The following PAICS variants were observed in gnomAD, a reference collection of about 807,000 sequenced individuals.
The protein encoded by PAICS is phosphoribosylaminoimidazole carboxylase and phosphoribosylaminoimidazolesuccinocarboxamide synthase.
PAICS carries 33 observed loss-of-function variants against 53.7 expected under a neutral mutation model. The ratio of observed to expected loss-of-function variants is 0.61; its 90% CI spans 0.47 to 0.82. The LOEUF (loss-of-function observed/expected upper bound fraction) is 0.82, where lower values mean the gene tolerates loss of function less well. Ranked by LOEUF, PAICS falls within the 40% of genes least tolerant of loss-of-function variation. The pLI is 0.00. For missense variants in PAICS, 394 were observed against 494.1 expected, an observed-to-expected ratio of 0.80 and a Z score of 1.92; for synonymous variants, 141 against 167.2, an observed-to-expected ratio of 0.84 and a Z score of 1.21.
the PAICS span, among the ~76,000 whole-genome samples, chr4:56,429,791 C>A: frequency 1.3e-5 from 2 of 152,208 alleles, no homozygotes; most frequent in Admixed American, 6.5e-5. Flanking sequence ...CATTAATCAT[C>A]CTTCCGCCCC....
chr4:56,419,863 T>C, the PAICS span: 3 of 984,650 alleles, frequency 3.0e-6, no homozygotes, highest in Non-Finnish European at 3.6e-6. Context: ...TACAAAAACC[T>C]AAAACACGAA....
chr4:56,428,326 A>T, the PAICS span, among the ~76,000 whole-genome samples: 5 of 152,352 alleles, frequency 3.3e-5, no homozygotes, highest in African/African-American at 1.2e-4. Context: ...CTGGTGTGAC[A>T]GTGAGGTCAG....
At chr4:56,431,169 T>C (rs2680758), upstream of PAICS, among the ~76,000 whole-genome samples, 5,882 of 152,250 alleles carry the variant, frequency 0.039, 172 homozygotes, top group Middle Eastern at 0.058. Flanking sequence ...ATTATGGGAG[T>C]ATAAAAGTTA....
At chr4:56,455,662 A>T (rs1344405709) in intron 8 of PAICS, among the ~76,000 whole-genome samples, 1 of 152,180 alleles carries the variant, frequency 6.6e-6, no homozygotes, top group Non-Finnish European at 1.5e-5. Flanking sequence ...TAGAAATAGA[A>T]TCCTATGCTG....
rs550073938 is a variant in PAICS at position 56,436,537 on chromosome 4, C to T, written c.16+209C>T. 194 of 710,038 alleles carry T rather than the reference C, an allele frequency of 2.7e-4. 2 individuals are homozygous for T. Among genetic ancestry groups the T allele is most frequent in the African/African-American group, 2.7e-3 (155 of 57,316 alleles). 44.0% of individuals were successfully genotyped at this position (710,038 alleles called of 1,614,324 possible). A position where few individuals can be genotyped will look rare whatever the true frequency, so the allele number is the denominator to read the frequency against. On this transcript the variant is annotated intron_variant, in intron 1 of 8. Coordinates refer to ENST00000512576, the MANE Select transcript of PAICS (RefSeq NM_001079524.2). ...GGAGAAGGAGCAAAGTAGAGGAGAA[C>T]GAGAAATGGCCAAGGGGTGGAAAGG...
At chr4:56,435,302 C>G, upstream of PAICS, 1 of 1,609,226 alleles carries the variant, frequency 6.2e-7, no homozygotes, top group Non-Finnish European at 8.5e-7. Flanking sequence ...GGAAGCGGCT[C>G]CGAGAGATGG....
intron 3 of PAICS, among the ~76,000 whole-genome samples, chr4:56,447,746 C>G (rs991742614): frequency 6.6e-6 from 1 of 152,044 alleles, no homozygotes; most frequent in Non-Finnish European, 1.5e-5. Context: ...CACCTAAATA[C>G]TTTGAATTTT....
Position 56,448,840 on chromosome 4 carries a change from GT to G in PAICS, c.687+24del. 3.8e-6 allele frequency: 5 copies of G among 1,330,850 alleles called. No individual in the cohort carries two copies. The highest frequency in any genetic ancestry group is 2.4e-5 in the East Asian group (1 of 41,990). The allele number at this position is 1,330,850 out of a possible 1,614,324, so 82.4% of individuals were successfully genotyped here. On this transcript the variant is annotated intron_variant, in intron 5 of 8. Coordinates refer to ENST00000512576, the MANE Select transcript of PAICS (RefSeq NM_001079524.2). The stretch of plus-strand genomic sequence containing the variant: ...GACAAACAGGTAGATAATGCTTCAG[GT>G]TTTTTTATCCTTTTTGAGATCAAGC...
upstream of PAICS, chr4:56,435,742 G>A (rs1717885358): frequency 4.0e-6 from 6 of 1,485,918 alleles, no homozygotes; most frequent in Non-Finnish European, 5.4e-6. Flanking sequence ...GGATGCTGTA[G>A]GGTGGAGCTA....
In PAICS at chr4:56,451,966, G is replaced by A; in HGVS notation, c.866G>A (p.Gly289Glu). 6.2e-7 allele frequency: 1 copy of A among 1,607,554 alleles called. No homozygotes were observed. Among genetic ancestry groups the A allele is most frequent in the South Asian group, 1.1e-5 (1 of 89,694 alleles). Residue 289 changes from glycine to glutamate, a missense_variant, in exon 7 of 9, where the codon GGA (glycine) becomes GAA (glutamate). Coordinates refer to ENST00000512576, the MANE Select transcript of PAICS (RefSeq NM_001079524.2). ...TGTGAAAAAATCAAGAAGGCCTGTGGAAATTTTGGCATTCCATGTGAACTT... is the reference window on the plus strand; with the variant it reads ...TGTGAAAAAATCAAGAAGGCCTGTGAAAATTTTGGCATTCCATGTGAACTT... ...GHCEKIKKAC[G>E]NFGIPCELRV...
chr4:56,415,985 G>T, the PAICS span, among the ~76,000 whole-genome samples: 5 of 151,728 alleles, frequency 3.3e-5, no homozygotes, highest in South Asian at 1.0e-3. Context: ...CAGGAGAATT[G>T]CTTGAACCCG....
the PAICS span, chr4:56,410,717 TA>T: frequency 4.1e-6 from 4 of 986,666 alleles, no homozygotes; most frequent in Non-Finnish European, 4.8e-6. Context: ...AAATCTCAAA[TA>T]TGAATATAGA....
intron 8 of PAICS, among the ~76,000 whole-genome samples, chr4:56,458,643 T>C (rs1053246913): frequency 6.6e-6 from 1 of 152,230 alleles, no homozygotes; most frequent in African/African-American, 2.4e-5. Flanking sequence ...TTTGACTCTG[T>C]TCTTGTGGAT....
chr4:56,433,635 A>T (rs985997175), upstream of PAICS, among the ~76,000 whole-genome samples: 1 of 152,150 alleles, frequency 6.6e-6, no homozygotes, highest in Non-Finnish European at 1.5e-5. Flanking sequence ...ACAGACCACC[A>T]GGCAACCCTA....
chr4:56,420,333 G>C, the PAICS span: 1 of 152,182 alleles, frequency 6.6e-6, no homozygotes, highest in Admixed American at 6.5e-5. Flanking sequence ...ATGAGGTCAA[G>C]TGTATAATTT....
At chr4:56,432,079 CTATT>C (rs140650571), upstream of PAICS, among the ~76,000 whole-genome samples, 2 of 152,290 alleles carry the variant, frequency 1.3e-5, no homozygotes, top group East Asian at 1.9e-4. Flanking sequence ...AATTGATACT[CTATT>C]TATTTTTATA....
upstream of PAICS, among the ~76,000 whole-genome samples, chr4:56,434,363 G>A (rs942205051): frequency 6.6e-6 from 1 of 152,184 alleles, no homozygotes; most frequent in African/African-American, 2.4e-5. Context: ...TTATTGCCAA[G>A]TTCCTTAACT....
upstream of PAICS, among the ~76,000 whole-genome samples, chr4:56,434,616 C>T (rs973585576): frequency 6.6e-6 from 1 of 152,152 alleles, no homozygotes; most frequent in Admixed American, 6.5e-5. Flanking sequence ...TCCCCTGTCC[C>T]CCTTTTGAAG....
the PAICS span, chr4:56,419,630 A>G: frequency 6.2e-6 from 6 of 975,596 alleles, no homozygotes; most frequent in Non-Finnish European, 7.3e-6. Context: ...CTACGTCAGT[A>G]TTGGAACCCT....
Sources: gnomAD v4.1 joint callset for allele counts (sites outside exome capture counted in the v4.1 genomes callset) on GRCh38, gnomAD v4.1.1 for gene constraint, MANE v1.5 for transcripts, NCBI Gene and HGNC (gene_info 2026-07-23, HGNC 2026-07-21) for gene names.